Variants in RUBCN observed in about 807,000 individuals in gnomAD.
RUBCN encodes rubicon autophagy regulator.
RUBCN carries 74 observed loss-of-function variants against 113.2 expected under a neutral mutation model. The observed-to-expected ratio is 0.65, with a 90% CI of 0.54 to 0.79. The LOEUF is 0.79. Among genes scored for constraint, RUBCN ranks in the 30% least tolerant of loss-of-function variants. The probability of loss-of-function intolerance (pLI) is 0.00; values close to 1 mark genes in which losing one functional copy is unlikely to be tolerated. For synonymous variants in RUBCN, 480 were observed against 490.0 expected (o/e 0.98, Z 0.27); for missense variants, 1,109 against 1,251.7 (o/e 0.89, Z 1.72).
chr3:197,680,429 C>T (rs1047815061), intron 16 of RUBCN, among the ~76,000 whole-genome samples: 9 of 143,644 alleles, frequency 6.3e-5, no homozygotes, highest in East Asian at 4.2e-4. Context: ...CGCTCTAACT[C>T]GACAAGTGGC....
chr3:197,700,924 T>A lies in RUBCN; in HGVS notation c.950A>T (p.Asp317Val). 1 of 1,614,202 alleles carries A rather than the reference T, an allele frequency of 6.2e-7. No individual in the cohort carries two copies. Among genetic ancestry groups the A allele is most frequent in the Non-Finnish European group, 8.5e-7 (1 of 1,180,036 alleles). ...CAGGTACTCAGGCCCCTCACTGGCA[T>A]CACCTGGGGAATCATTCTGGCTGCT... ...WVSSQNDSPG[D>V]ASEGPEYLAI... Residue 317 changes from aspartate (D) to valine (V), a missense_variant, in exon 7 of 20, where the codon GAT becomes GTT. By Grantham distance (152) the Asp-to-Val change is radical. Transcript: ENST00000296343.
exon 1 of RUBCN, chr3:197,749,668 TC>T: frequency 1.3e-6 from 1 of 745,678 alleles, no homozygotes; most frequent in Non-Finnish European, 2.1e-6. Context: ...CGGTCTAGCA[TC>T]CCCCAGTTTG....
At chr3:197,714,839 C>T (rs1725342782) in intron 2 of RUBCN, among the ~76,000 whole-genome samples, 3 of 151,924 alleles carry the variant, frequency 2.0e-5, no homozygotes, top group African/African-American at 7.3e-5. Flanking sequence ...ATACTAAACC[C>T]CAGTGACTCA....
rs1560393110 is a variant in RUBCN at position 197,674,574 on chromosome 3, C to T, written c.*444G>A. 2.0e-6 allele frequency: 1 copy of T among 503,936 alleles called. No homozygotes were observed. Among genetic ancestry groups the T allele is most frequent in the Non-Finnish European group, 4.1e-6 (1 of 246,442 alleles). 31.2% of individuals were successfully genotyped at this position (503,936 alleles called of 1,614,324 possible). ...TCCAGGACAGGGAGAGGGAAAACGC[C>T]ATCCCCGTTTCAGCAGCAGGAGAGG... is the stretch of plus-strand genomic sequence containing the variant. On this transcript the variant is annotated 3_prime_UTR_variant, in exon 20 of 20. Coordinates refer to ENST00000296343, the MANE Select transcript of RUBCN (RefSeq NM_014687.4).
chr3:197,735,583 G>T (rs1372969925), intron 1 of RUBCN, among the ~76,000 whole-genome samples: 1 of 152,034 alleles, frequency 6.6e-6, no homozygotes, highest in Non-Finnish European at 1.5e-5. Context: ...AAAGTAGTTC[G>T]GGGTTTCTTT....
At position 197,693,701 on chromosome 3, in the gene RUBCN, G is replaced by T. The variant is rs144896884; in HGVS notation, c.1786+14C>A. 5.6e-4 allele frequency: 865 copies of T among 1,546,728 alleles called. 2 individuals are homozygous for T. The Middle Eastern group carries it at 6.9e-3, about 12-fold the overall frequency. ...AGAATAAAAGTTCCCTTGTAACAAAGTGTCACTTCTTACCTTGGATTTCAA... is the reference window on the plus strand; with the variant it reads ...AGAATAAAAGTTCCCTTGTAACAAATTGTCACTTCTTACCTTGGATTTCAA... On this transcript the variant is annotated intron_variant, in intron 11 of 19. Coordinates refer to ENST00000296343, the MANE Select transcript of RUBCN (RefSeq NM_014687.4).
At position 197,668,922 on chromosome 3, in the gene RUBCN, C is replaced by T. The variant is rs562253730; in HGVS notation, c.*6096G>A. 2.0e-5 allele frequency among the ~76,000 whole-genome samples: 3 copies of T among 152,244 alleles called. No homozygotes were observed. The highest frequency in any genetic ancestry group is 2.1e-4 in the South Asian group (1 of 4,828). ...ACTCATTTACAGCTAATTCAGTAAG[C>T]AGATAAGAGGAAAAAATACTCCACA... On this transcript the variant is annotated 3_prime_UTR_variant, in exon 20 of 20. Transcript: ENST00000296343.
At chr3:197,729,070 C>A (rs904191210) in intron 1 of RUBCN, among the ~76,000 whole-genome samples, 8 of 147,308 alleles carry the variant, frequency 5.4e-5, no homozygotes, top group African/African-American at 2.0e-4. Context: ...GGCGTGAACC[C>A]GGGAGGCGGA....
At position 197,683,558 on chromosome 3, in the gene RUBCN, C is replaced by T; in HGVS notation, c.1848-119G>A. ...CTGGGCTGGAAGAACACCCGCAGCA[C>T]CCTGGCCTGCTCATCACCCTCACAC... On this transcript the variant is annotated intron_variant, in intron 12 of 19. Transcript: ENST00000296343. The surrounding 1 kb of genome is among the most constrained non-coding windows in gnomAD (Gnocchi z 4.6). 3.7e-6 allele frequency: 4 copies of T among 1,090,362 alleles called. No homozygotes were observed. The highest frequency in any genetic ancestry group is 5.5e-6 in the Non-Finnish European group (4 of 729,634). 67.5% of individuals were successfully genotyped at this position (1,090,362 alleles called of 1,614,324 possible).
chr3:197,722,805 A>G (rs147826604), intron 1 of RUBCN, among the ~76,000 whole-genome samples: 86 of 152,138 alleles, frequency 5.7e-4, no homozygotes, highest in Non-Finnish European at 1.0e-3. Context: ...TTCCATTTGC[A>G]TAGAGCATCT....
At chr3:197,733,483 A>C (rs1362395153) in intron 1 of RUBCN, among the ~76,000 whole-genome samples, 1 of 152,182 alleles carries the variant, frequency 6.6e-6, no homozygotes, top group Non-Finnish European at 1.5e-5. Flanking sequence ...CCCTATCTTT[A>C]AAATATATAA....
intron 1 of RUBCN, among the ~76,000 whole-genome samples, chr3:197,723,535 T>C (rs1314025608): frequency 1.3e-5 from 2 of 152,158 alleles, no homozygotes; most frequent in Admixed American, 6.5e-5. Flanking sequence ...ATCATAAAGA[T>C]AGGAAAAGGA....
At chr3:197,704,398 C>T (rs1485668772) in intron 4 of RUBCN, 144 bp downstream of exon 4, 1 of 801,646 alleles carries the variant, frequency 1.2e-6, no homozygotes, top group South Asian at 1.4e-5. Context: ...CACGCCATTG[C>T]ACTCCAGCCT....
chr3:197,695,824 C>T, intron 9 of RUBCN, 42 bp downstream of exon 9: 1 of 1,569,146 alleles, frequency 6.4e-7, no homozygotes, highest in Non-Finnish European at 8.8e-7. Flanking sequence ...CAGACCCAAT[C>T]TCCCAACTCA....
chr3:197,712,126 G>A (rs773788547), intron 2 of RUBCN, among the ~76,000 whole-genome samples: 8 of 151,762 alleles, frequency 5.3e-5, no homozygotes, highest in Admixed American at 3.3e-4. Context: ...CTTCTTGATT[G>A]TGGCAAAAGG....
chr3:197,703,485 G>A, intron 5 of RUBCN, 63 bp downstream of exon 5: 1 of 1,034,876 alleles, frequency 9.7e-7, no homozygotes, highest in Admixed American at 1.8e-5. Context: ...TGCTGTAGAG[G>A]GCTACATCCT....
chr3:197,736,607 G>A (rs1370438738), intron 1 of RUBCN, 48 bp downstream of exon 1: 14 of 1,525,692 alleles, frequency 9.2e-6, no homozygotes, highest in Non-Finnish European at 1.2e-5. Flanking sequence ...GCCTCCCGGG[G>A]CTCCGGCGCC....
At chr3:197,677,808 A>G (rs1720624071) in intron 16 of RUBCN, among the ~76,000 whole-genome samples, 1 of 139,242 alleles carries the variant, frequency 7.2e-6, no homozygotes, top group African/African-American at 2.7e-5. Context: ...ACTGTCCCAC[A>G]CTCTGACTGA....
intron 7 of RUBCN, among the ~76,000 whole-genome samples, chr3:197,698,113 T>C (rs1280480085): frequency 6.6e-6 from 1 of 152,240 alleles, no homozygotes; most frequent in Non-Finnish European, 1.5e-5. Context: ...CTTTACAACA[T>C]GTGGCCATTC....
Sources: allele counts gnomAD v4.1 joint callset (sites outside exome capture counted in the v4.1 genomes callset), GRCh38; gene constraint gnomAD v4.1.1; non-coding constraint Gnocchi (gnomAD v3.1); transcripts MANE v1.5; gene names NCBI Gene and HGNC (gene_info 2026-07-23, HGNC 2026-07-21).